Variants in CDKN2B-AS1 observed in about 807,000 individuals in gnomAD.
CDKN2B-AS1 encodes the protein CDKN2B antisense RNA 1 (non-protein coding).
intron 3 of CDKN2B-AS1, among the ~76,000 whole-genome samples, chr9:22,056,011 T>C (rs1298315993): frequency 2.6e-5 from 4 of 151,688 alleles, no homozygotes; most frequent in Admixed American, 2.6e-4. Flanking sequence ...GTTGATAGCA[T>C]TCTTGATGGG....
chr9:22,124,583 T>G (rs543950366), intron 4 of CDKN2B-AS1, among the ~76,000 whole-genome samples: 68 of 152,352 alleles, frequency 4.5e-4, no homozygotes, highest in Non-Finnish European at 9.1e-4. Context: ...TGTCTTTAAA[T>G]TTTTTGTAGT....
intron 4 of CDKN2B-AS1, among the ~76,000 whole-genome samples, chr9:22,126,574 CTT>C (rs34700018): frequency 1.9e-5 from 2 of 104,892 alleles, no homozygotes; most frequent in African/African-American, 4.0e-5. Flanking sequence ...TAAGTGGATT[CTT>C]TTTTTTTTTT....
chr9:22,038,405 G>T (rs1316761053), intron 1 of CDKN2B-AS1, among the ~76,000 whole-genome samples: 2 of 151,748 alleles, frequency 1.3e-5, no homozygotes, highest in Non-Finnish European at 2.9e-5. Context: ...TTTTGCCAGC[G>T]CAGATTTGAT....
At chr9:22,112,516 C>G (rs529064473) in intron 4 of CDKN2B-AS1, 1 of 152,196 alleles carries the variant, frequency 6.6e-6, no homozygotes, top group Non-Finnish European at 1.5e-5. Flanking sequence ...GTGTGGCTGA[C>G]TATATAAAAA....
intron 3 of CDKN2B-AS1, among the ~76,000 whole-genome samples, chr9:22,050,807 T>C (rs1823315018): frequency 6.6e-6 from 1 of 152,292 alleles, no homozygotes; most frequent in East Asian, 1.9e-4. Context: ...GCTTATCTAA[T>C]TTTGCTGGGA....
chr9:22,127,043 C>G (rs528427259), intron 4 of CDKN2B-AS1, among the ~76,000 whole-genome samples: 1 of 152,250 alleles, frequency 6.6e-6, no homozygotes, highest in African/African-American at 2.4e-5. Context: ...TGACATATGA[C>G]CAATTAGCAG....
chr9:22,038,005 A>T (rs2069720876), intron 1 of CDKN2B-AS1, among the ~76,000 whole-genome samples: 1 of 152,074 alleles, frequency 6.6e-6, no homozygotes, highest in Admixed American at 6.6e-5. Flanking sequence ...GCAGTCTTGC[A>T]CAAGTGCTTT....
Position 22,035,089 on chromosome 9 carries a change from G to A in CDKN2B-AS1, n.30-11662G>A, listed in dbSNP as rs568241050. Among the ~76,000 whole-genome samples the A allele has an allele frequency of 2.6e-5, 4 of 152,184 alleles. No homozygotes were observed. In the East Asian group the frequency reaches 7.7e-4, roughly 29 times the overall value. On this transcript the variant is annotated intron_variant and non_coding_transcript_variant, in intron 1 of 4. Transcript: ENST00000650946. ...ATAGCAAAATATCTGGCATCTAATA[G>A]ATGCCTAATAAATGGTGACTATAAT... is the stretch of plus-strand genomic sequence containing the variant.
At chr9:22,007,325 C>G (rs943144494) in intron 1 of CDKN2B-AS1, among the ~76,000 whole-genome samples, 7 of 151,740 alleles carry the variant, frequency 4.6e-5, no homozygotes, top group African/African-American at 1.7e-4. Flanking sequence ...TGCCACTGCA[C>G]TCCAGCCTGT....
intron 4 of CDKN2B-AS1, among the ~76,000 whole-genome samples, chr9:22,057,742 G>T (rs149135383): frequency 0.03 from 4,599 of 151,432 alleles, 180 homozygotes; most frequent in African/African-American, 0.085. Flanking sequence ...GCGAGGTGGA[G>T]GTTGCAGTGA....
intron 1 of CDKN2B-AS1, among the ~76,000 whole-genome samples, chr9:22,032,046 G>A (rs2131247781): frequency 6.6e-6 from 1 of 152,342 alleles, no homozygotes; most frequent in Admixed American, 6.5e-5. Context: ...GGAGATTTCA[G>A]ATGAGGCCCC....
rs552507086 is a variant in CDKN2B-AS1, at chr9:22,058,842, AAT to A, written n.438+2456_438+2457del. On this transcript the variant is annotated intron_variant and non_coding_transcript_variant, in intron 4 of 4. Coordinates refer to ENST00000650946, the Ensembl canonical transcript of CDKN2B-AS1. The stretch of plus-strand genomic sequence containing the variant: ...TTCCGCATGGCTGAGGAGGCCTCAG[AAT>A]CATGGTGGGAGGCGAAAGGCACTTC... The A allele has an allele frequency of 6.6e-3, 1,349 of 205,130 alleles. 7 individuals carry two copies. The highest frequency in any genetic ancestry group is 8.4e-3 in the Non-Finnish European group (890 of 106,162). 12.7% of individuals were successfully genotyped at this position (205,130 alleles called of 1,614,324 possible). A position where few individuals can be genotyped will look rare whatever the true frequency, so the allele number is the denominator to read the frequency against.
At chr9:22,003,017 G>T (rs1242263867) in intron 1 of CDKN2B-AS1, 8 of 205,686 alleles carry the variant, frequency 3.9e-5, no homozygotes, top group Non-Finnish European at 7.9e-5. Flanking sequence ...AACTTAACAG[G>T]TATATTTAAT....
At chr9:22,102,123 T>C (rs569442350) in intron 4 of CDKN2B-AS1, among the ~76,000 whole-genome samples, 2 of 152,304 alleles carry the variant, frequency 1.3e-5, no homozygotes, top group South Asian at 4.1e-4. Flanking sequence ...ATGGGAAGAT[T>C]TGGCCGTATT....
intron 3 of CDKN2B-AS1, among the ~76,000 whole-genome samples, chr9:22,050,940 G>A (rs1426608770): frequency 6.6e-6 from 1 of 152,114 alleles, no homozygotes; most frequent in East Asian, 1.9e-4. Context: ...TTGAAAAAAC[G>A]GCTACCGTTT....
chr9:22,065,232 A>G (rs1416355421), intron 4 of CDKN2B-AS1, among the ~76,000 whole-genome samples: 1 of 152,156 alleles, frequency 6.6e-6, no homozygotes, highest in African/African-American at 2.4e-5. Flanking sequence ...CAAAGCCCAG[A>G]CACCCATCTA....
At chr9:22,015,627 A>C (rs748033011) in intron 1 of CDKN2B-AS1, among the ~76,000 whole-genome samples, 2 of 151,804 alleles carry the variant, frequency 1.3e-5, no homozygotes, top group Non-Finnish European at 2.9e-5. Context: ...ATTTTTATTT[A>C]TTTATTTATT....
chr9:22,051,190 G>T (rs898646417), intron 3 of CDKN2B-AS1, among the ~76,000 whole-genome samples: 1 of 152,104 alleles, frequency 6.6e-6, no homozygotes, highest in African/African-American at 2.4e-5. Flanking sequence ...GGCCCCCTGA[G>T]CTGAAAATGA....
At chr9:22,120,284 C>A (rs1030194848) in intron 4 of CDKN2B-AS1, 1 of 152,168 alleles carries the variant, frequency 6.6e-6, no homozygotes, top group African/African-American at 2.4e-5. Context: ...AGGCTAGGGC[C>A]AGAGTCAAGA....
Sources: gnomAD v4.1 joint callset for allele counts (sites outside exome capture counted in the v4.1 genomes callset) on GRCh38, gnomAD v4.1.1 for gene constraint, MANE v1.5 for transcripts, NCBI Gene and HGNC (gene_info 2026-07-23, HGNC 2026-07-21) for gene names.